HTR1E: variants seen among roughly 807,000 people sequenced by gnomAD.
HTR1E encodes the protein 5-HT-1E.
HTR1E carries 3 observed loss-of-function variants against 3.4 expected under a neutral mutation model. The observed-to-expected ratio is 0.89, with a 90% CI of 0.41 to 2.31. HTR1E has a LOEUF of 2.31. Among genes scored for constraint, HTR1E ranks in the 30% most tolerant of loss-of-function variants. The pLI is 0.05. For missense variants in HTR1E, 392 were observed against 467.0 expected (o/e 0.84, Z 1.48); for synonymous variants, 170 against 182.8 (o/e 0.93, Z 0.56).
At chr6:86,951,313 A>G (rs1316581799) in intron 1 of HTR1E, among the ~76,000 whole-genome samples, 1 of 152,180 alleles carries the variant, frequency 6.6e-6, no homozygotes, top group East Asian at 1.9e-4. Flanking sequence ...GCCTTTAACT[A>G]CGTACTTTAC....
chr6:86,940,141 T>C (rs1270176915), intron 1 of HTR1E, among the ~76,000 whole-genome samples: 2 of 152,012 alleles, frequency 1.3e-5, no homozygotes, highest in African/African-American at 4.8e-5. Context: ...AGGTATATCA[T>C]TCACAGCACA....
At chr6:86,968,061 C>T (rs909729339) in intron 1 of HTR1E, among the ~76,000 whole-genome samples, 6 of 152,190 alleles carry the variant, frequency 3.9e-5, no homozygotes, top group Non-Finnish European at 5.9e-5. Flanking sequence ...ATACAGTTTA[C>T]ACATGTGGTA....
intron 1 of HTR1E, among the ~76,000 whole-genome samples, chr6:87,010,036 C>A (rs1406287585): frequency 2.3e-5 from 3 of 127,880 alleles, no homozygotes; most frequent in African/African-American, 6.3e-5. Flanking sequence ...CCCTCCCGGA[C>A]GGGGTGGCTG....
At chr6:86,993,770 A>C (rs1767900929) in intron 1 of HTR1E, among the ~76,000 whole-genome samples, 1 of 152,126 alleles carries the variant, frequency 6.6e-6, no homozygotes, top group South Asian at 2.1e-4. Context: ...GTTGTAATAA[A>C]AAGTCAGTCA....
chr6:87,010,420 C>T (rs1390022633), intron 1 of HTR1E, among the ~76,000 whole-genome samples: 6 of 151,542 alleles, frequency 4.0e-5, no homozygotes, highest in African/African-American at 7.3e-5. Flanking sequence ...AGGGGCTCCT[C>T]ACTTCCCAGT....
chr6:86,948,859 C>G (rs1411476323), intron 1 of HTR1E, among the ~76,000 whole-genome samples: 1 of 152,106 alleles, frequency 6.6e-6, no homozygotes, highest in East Asian at 1.9e-4. Flanking sequence ...AGGATACATG[C>G]CAGGAACTGC....
chr6:86,973,991 AC>A (rs1434116136), intron 1 of HTR1E, among the ~76,000 whole-genome samples: 2 of 152,046 alleles, frequency 1.3e-5, no homozygotes, highest in Admixed American at 1.3e-4. Flanking sequence ...AGTCTCCTTC[AC>A]CTCTGGTTGA....
rs1295577851 is a variant in HTR1E at position 87,004,913 on chromosome 6, A to T, written c.-185-10237A>T. Among the ~76,000 whole-genome samples the T allele has an allele frequency of 1.3e-5, 2 of 152,190 alleles. 1 individual carries two copies. Among genetic ancestry groups the T allele is most frequent in the African/African-American group, 4.8e-5 (2 of 41,464 alleles). ...CAAGTCAAGGATACAAAATCAACAA[A>T]TAAAAATCAGTAGCATTTCTATATG... On this transcript the variant is annotated intron_variant, in intron 1 of 1. Transcript: ENST00000305344.
At chr6:86,957,946 C>T (rs1296056171) in intron 1 of HTR1E, among the ~76,000 whole-genome samples, 1 of 152,016 alleles carries the variant, frequency 6.6e-6, no homozygotes, top group Non-Finnish European at 1.5e-5. Context: ...TATATACTTC[C>T]ATAATAGTAA....
At chr6:86,991,456 T>C (rs558434279) in intron 1 of HTR1E, among the ~76,000 whole-genome samples, 1 of 152,302 alleles carries the variant, frequency 6.6e-6, no homozygotes, top group East Asian at 1.9e-4. Flanking sequence ...AATATAAATT[T>C]CTACCAAAAT....
At chr6:86,962,611 G>T (rs1767424611) in intron 1 of HTR1E, among the ~76,000 whole-genome samples, 1 of 152,194 alleles carries the variant, frequency 6.6e-6, no homozygotes, top group South Asian at 2.1e-4. Flanking sequence ...GCTGAGGTGG[G>T]CAGATCACTT....
In HTR1E at chr6:87,015,507, A is replaced by G. The variant is rs1182284272; in HGVS notation, c.173A>G (p.Asn58Ser). 9.9e-6 allele frequency: 16 copies of G among 1,613,360 alleles called. No homozygotes were observed. Among genetic ancestry groups the G allele is most frequent in the Admixed American group, 1.7e-5 (1 of 59,968 alleles). Residue 58 changes from asparagine to serine, a missense_variant, in exon 2 of 2, where the codon AAC (asparagine) becomes AGC (serine). This residue lies in a region of HTR1E where 189 missense variants were observed against 258.0 expected (regional missense o/e 0.73). Coordinates refer to ENST00000305344, the MANE Select transcript of HTR1E (RefSeq NM_000865.3). ...ACCAAGAAGCTCCACCAGCCTGCCA[A>G]CTACCTAATCTGTTCTCTGGCCGTG... Reference protein sequence around the residue: ...GTTKKLHQPANYLICSLAVTD... With the variant: ...GTTKKLHQPASYLICSLAVTD...
chr6:86,991,930 T>A (rs147270636), intron 1 of HTR1E, among the ~76,000 whole-genome samples: 84 of 152,304 alleles, frequency 5.5e-4, no homozygotes, highest in African/African-American at 1.9e-3. Flanking sequence ...CATCTGACTT[T>A]CATATTATCA....
At chr6:87,009,440 A>C (rs962259167) in intron 1 of HTR1E, among the ~76,000 whole-genome samples, 2 of 152,012 alleles carry the variant, frequency 1.3e-5, no homozygotes, top group Non-Finnish European at 2.9e-5. Context: ...GAACAAAATG[A>C]AAAGTCTCCC....
At chr6:86,993,641 A>C (rs995523138) in intron 1 of HTR1E, among the ~76,000 whole-genome samples, 1 of 152,012 alleles carries the variant, frequency 6.6e-6, no homozygotes, top group Non-Finnish European at 1.5e-5. Flanking sequence ...CTACCACTGC[A>C]TGGCAGCAAT....
At chr6:87,005,063 TA>T (rs1196559726) in intron 1 of HTR1E, among the ~76,000 whole-genome samples, 1 of 152,072 alleles carries the variant, frequency 6.6e-6, no homozygotes, top group Non-Finnish European at 1.5e-5. Context: ...GTGAAAACTA[TA>T]AAACATGATG....
intron 1 of HTR1E, among the ~76,000 whole-genome samples, chr6:86,980,193 C>T (rs146988595): frequency 0.023 from 3,508 of 152,134 alleles, 74 homozygotes; most frequent in Middle Eastern, 0.041. Flanking sequence ...GGAGACCATC[C>T]TGGCTAACAG....
At chr6:86,980,264 G>C (rs1294472115) in intron 1 of HTR1E, among the ~76,000 whole-genome samples, 1 of 151,982 alleles carries the variant, frequency 6.6e-6, no homozygotes, top group African/African-American at 2.4e-5. Context: ...GCGGGCGCCT[G>C]TAGTCCCAGC....
intron 1 of HTR1E, among the ~76,000 whole-genome samples, chr6:86,967,821 T>A (rs1767493800): frequency 6.6e-6 from 1 of 152,172 alleles, no homozygotes; most frequent in Non-Finnish European, 1.5e-5. Context: ...CTCTGGAAGA[T>A]GTGAGAATAA....
Sources: allele counts gnomAD v4.1 joint callset (sites outside exome capture counted in the v4.1 genomes callset), GRCh38; gene constraint gnomAD v4.1.1; regional missense constraint gnomAD v4.1.1; transcripts MANE v1.5; gene names NCBI Gene and HGNC (gene_info 2026-07-23, HGNC 2026-07-21).